The following STIM1 variants were observed in gnomAD, a reference collection of about 807,000 sequenced individuals.
STIM1 encodes the protein stromal interaction molecule 1.
A neutral mutation model predicts 74.7 loss-of-function variants in STIM1; 25 were observed. The ratio of observed to expected loss-of-function variants is 0.33; its 90% CI spans 0.24 to 0.47. The LOEUF is 0.47. STIM1 is among the 20% of genes least tolerant of loss of function. The probability of loss-of-function intolerance (pLI) is 1.00; values close to 1 mark genes in which losing one functional copy is unlikely to be tolerated. For missense variants in STIM1, 728 were observed against 920.8 expected (o/e 0.79, Z 2.71); for synonymous variants, 328 against 348.8 (o/e 0.94, Z 0.66).
chr11:3,892,957 A>G (rs1287271096), intron 1 of STIM1: 2 of 972,138 alleles, frequency 2.1e-6, no homozygotes, highest in East Asian at 2.5e-5. Flanking sequence ...TTTAATAGAG[A>G]TGGGGTTTTG....
At chr11:3,908,748 G>C (rs1469103342) in intron 1 of STIM1, among the ~76,000 whole-genome samples, 1 of 152,058 alleles carries the variant, frequency 6.6e-6, no homozygotes, top group African/African-American at 2.4e-5. Context: ...TTGTTGCTTT[G>C]CTGCTGAATG....
chr11:4,035,851 C>CTTTTTTTTTTTTTTTTT (rs35310625), intron 3 of STIM1, among the ~76,000 whole-genome samples: 2 of 123,316 alleles, frequency 1.6e-5, no homozygotes, highest in Non-Finnish European at 1.7e-5. Context: ...TGTTGTTTTG[C>CTTTTTTTTTTTTTTTTT]TTTTTTTTTT....
rs181019947 is a variant in STIM1, at chr11:4,007,745, T to C, written c.271-16128T>C. Reference sequence around the variant, plus strand: ...TCAGTACTTTAGTGTACAACAGGAATTACAAACTGTGCCCCTGAAGGGTCA... The same window carrying C: ...TCAGTACTTTAGTGTACAACAGGAACTACAAACTGTGCCCCTGAAGGGTCA... On this transcript the variant is annotated intron_variant, in intron 2 of 12. Coordinates refer to ENST00000526596, the MANE Select transcript of STIM1 (RefSeq NM_001382567.1). Among the ~76,000 whole-genome samples, 53 of 152,306 alleles carry C rather than the reference T, an allele frequency of 3.5e-4. No individual in the cohort carries two copies. In the East Asian group the frequency reaches 7.9e-3, roughly 23 times the overall value.
intron 5 of STIM1, among the ~76,000 whole-genome samples, chr11:4,063,228 A>G (rs554707445): frequency 3.2e-4 from 49 of 152,342 alleles, no homozygotes; most frequent in African/African-American, 1.1e-3. Flanking sequence ...ATATAGTACA[A>G]TCATTGAATT....
At chr11:4,071,024 A>C (rs1024279089) in intron 6 of STIM1, among the ~76,000 whole-genome samples, 1 of 152,236 alleles carries the variant, frequency 6.6e-6, no homozygotes, top group African/African-American at 2.4e-5. Flanking sequence ...CTAGAAAGAC[A>C]AAGAGGTGGA....
At chr11:3,944,300 A>T (rs2093045722) in intron 1 of STIM1, among the ~76,000 whole-genome samples, 1 of 152,146 alleles carries the variant, frequency 6.6e-6, no homozygotes, top group Admixed American at 6.6e-5. Context: ...TATGCTGTGG[A>T]TGAGCTGATG....
intron 1 of STIM1, among the ~76,000 whole-genome samples, chr11:3,936,708 C>G (rs1244136167): frequency 2.0e-5 from 3 of 152,152 alleles, no homozygotes; most frequent in Non-Finnish European, 4.4e-5. Context: ...ACTATAGAGG[C>G]AACATAGATA....
chr11:3,863,995 C>G (rs961531727), intron 1 of STIM1, among the ~76,000 whole-genome samples: 1 of 151,908 alleles, frequency 6.6e-6, no homozygotes, highest in Non-Finnish European at 1.5e-5. Flanking sequence ...TAGCATGCAT[C>G]CCCCGAGAAT....
intron 1 of STIM1, among the ~76,000 whole-genome samples, chr11:3,866,478 G>A (rs1174841967): frequency 1.3e-5 from 2 of 150,126 alleles, no homozygotes; most frequent in African/African-American, 2.5e-5. Context: ...CCTGGCTGGA[G>A]TGCAGTGGCG....
chr11:3,921,626 T>C lies in STIM1; in HGVS notation c.140-45926T>C, dbSNP rs573670917. Among the ~76,000 whole-genome samples, 5 of 148,586 alleles carry C rather than the reference T, an allele frequency of 3.4e-5. No homozygotes were observed. The East Asian group carries it at 7.7e-4, about 23-fold the overall frequency. On this transcript the variant is annotated intron_variant, in intron 1 of 12. Transcript: ENST00000526596. ...GTTTTAAAATATGTCCACAAATTCT[T>C]TGATACTCTTTCCATCAAGGGGTGG...
chr11:3,982,941 A>AT (rs1215725033), intron 2 of STIM1, among the ~76,000 whole-genome samples: 3 of 151,364 alleles, frequency 2.0e-5, no homozygotes, highest in Admixed American at 6.6e-5. Context: ...TTTAATTTTT[A>AT]TTTTTTTTGA....
intron 2 of STIM1, among the ~76,000 whole-genome samples, chr11:3,969,894 A>G (rs749239206): frequency 2.0e-5 from 3 of 152,212 alleles, no homozygotes; most frequent in Non-Finnish European, 4.4e-5. Flanking sequence ...TGACCTGTAA[A>G]GGATCAAAAT....
In STIM1 at chr11:4,058,329, C is replaced by T. The variant is rs569695219; in HGVS notation, c.498-952C>T. On this transcript the variant is annotated intron_variant, in intron 4 of 12. Transcript: ENST00000526596. The stretch of plus-strand genomic sequence containing the variant: ...ACCCCATCACAGTGCCTCACTGCGT[C>T]TCTTACTGGTGGGCTTGATTGCTTT... 3.3e-5 allele frequency among the ~76,000 whole-genome samples: 5 copies of T among 152,312 alleles called. No homozygotes were observed. In the East Asian group the frequency reaches 5.8e-4, roughly 18 times the overall value.
intron 3 of STIM1, among the ~76,000 whole-genome samples, chr11:4,044,891 C>T (rs1590670181): frequency 2.0e-5 from 3 of 152,214 alleles, no homozygotes; most frequent in South Asian, 4.1e-4. Flanking sequence ...TATCTGGAGA[C>T]ATTTTTTAAT....
chr11:4,080,815 A>G (rs2094461818), intron 7 of STIM1, among the ~76,000 whole-genome samples: 1 of 152,046 alleles, frequency 6.6e-6, no homozygotes, highest in African/African-American at 2.4e-5. Context: ...TGCCTCCCTG[A>G]CTATCATGCT....
At chr11:3,879,628 T>A in intron 1 of STIM1, among the ~76,000 whole-genome samples, 1 of 152,234 alleles carries the variant, frequency 6.6e-6, no homozygotes, top group East Asian at 1.9e-4. Flanking sequence ...TCCATATTAT[T>A]GTAAACAAAT....
At chr11:3,973,432 C>T (rs2093415123) in intron 2 of STIM1, 1 of 349,776 alleles carries the variant, frequency 2.9e-6, no homozygotes, top group Non-Finnish European at 5.6e-6. Context: ...CAAGGTCTTG[C>T]TCTGTTGCCC....
chr11:3,911,122 G>A (rs904585206), intron 1 of STIM1, among the ~76,000 whole-genome samples: 3 of 152,180 alleles, frequency 2.0e-5, no homozygotes, highest in Non-Finnish European at 4.4e-5. Context: ...GGGGAGATAA[G>A]GATAGGACTA....
chr11:4,075,206 A>G (rs904114789), intron 7 of STIM1, among the ~76,000 whole-genome samples: 3 of 152,226 alleles, frequency 2.0e-5, no homozygotes, highest in African/African-American at 7.2e-5. Flanking sequence ...ATGATTTTCA[A>G]AGAACAGTGG....
Sources: allele counts gnomAD v4.1 joint callset (sites outside exome capture counted in the v4.1 genomes callset), GRCh38; gene constraint gnomAD v4.1.1; transcripts MANE v1.5; gene names NCBI Gene and HGNC (gene_info 2026-07-23, HGNC 2026-07-21).